ST6GALNAC3: variants seen among roughly 807,000 people sequenced by gnomAD.
ST6GALNAC3 encodes the protein alpha-N-acetylgalactosaminide alpha-2,6-sialyltransferase 3.
In ST6GALNAC3, 25 loss-of-function variants were observed where a neutral mutation model predicts 32.7. The observed-to-expected ratio is 0.76, with a 90% CI of 0.56 to 1.07. The LOEUF (loss-of-function observed/expected upper bound fraction) is 1.07, where lower values mean the gene tolerates loss of function less well. Among genes scored for constraint, ST6GALNAC3 ranks in the 50% least tolerant of loss-of-function variants. The pLI is 0.00. For synonymous variants in ST6GALNAC3, 129 were observed against 133.1 expected (o/e 0.97, Z 0.21); for missense variants, 355 against 382.4 (o/e 0.93, Z 0.60).
intron 1 of ST6GALNAC3, among the ~76,000 whole-genome samples, chr1:76,221,029 C>G (rs1655737357): frequency 6.6e-6 from 1 of 151,364 alleles, no homozygotes; most frequent in African/African-American, 2.4e-5. Context: ...GGCTTTGGAG[C>G]AATCAATGCA....
At position 76,427,534 on chromosome 1, in the gene ST6GALNAC3, G is replaced by A. The variant is rs116250164; in HGVS notation, c.623+15117G>A. On this transcript the variant is annotated intron_variant, in intron 3 of 4. Coordinates refer to ENST00000328299, the MANE Select transcript of ST6GALNAC3 (RefSeq NM_152996.4). ...CCATGGAAAAATAAAAAAATTAATCGTATCTCCAAACTATATGAGTACATA... is the reference window on the plus strand; with the variant it reads ...CCATGGAAAAATAAAAAAATTAATCATATCTCCAAACTATATGAGTACATA... Among the ~76,000 whole-genome samples the A allele has an allele frequency of 4.0e-3, 602 of 152,082 alleles. 4 individuals are homozygous for A. The highest frequency in any genetic ancestry group is 0.013 in the African/African-American group (556 of 41,506).
intron 3 of ST6GALNAC3, among the ~76,000 whole-genome samples, chr1:76,621,118 A>G (rs574617038): frequency 2.0e-5 from 3 of 151,628 alleles, no homozygotes; most frequent in Non-Finnish European, 2.9e-5. Flanking sequence ...GTTTCTTATT[A>G]TTCTCCTTTT....
At chr1:76,241,233 G>T (rs1323339913) in intron 1 of ST6GALNAC3, among the ~76,000 whole-genome samples, 2 of 152,124 alleles carry the variant, frequency 1.3e-5, no homozygotes, top group African/African-American at 4.8e-5. Flanking sequence ...TTGCTATAAA[G>T]GAATATATAA....
chr1:76,577,873 A>G (rs1421596568), intron 3 of ST6GALNAC3, among the ~76,000 whole-genome samples: 2 of 152,200 alleles, frequency 1.3e-5, no homozygotes, highest in Admixed American at 1.3e-4. Context: ...TAAAATTTCA[A>G]TATGTTTAGT....
chr1:76,266,534 G>T (rs1222536353), intron 1 of ST6GALNAC3, among the ~76,000 whole-genome samples: 5 of 152,092 alleles, frequency 3.3e-5, no homozygotes, highest in Non-Finnish European at 7.4e-5. Context: ...CAGCAGATGT[G>T]GTTTTCTACC....
intron 1 of ST6GALNAC3, among the ~76,000 whole-genome samples, chr1:76,075,700 C>G (rs1646806484): frequency 7.0e-6 from 1 of 142,820 alleles, no homozygotes; most frequent in Non-Finnish European, 1.5e-5. Flanking sequence ...GTAGAGGCCT[C>G]CCCTGCCCTC....
chr1:76,581,575 T>C (rs948465427), intron 3 of ST6GALNAC3, among the ~76,000 whole-genome samples: 1 of 152,162 alleles, frequency 6.6e-6, no homozygotes, highest in Non-Finnish European at 1.5e-5. Context: ...CACAGACATT[T>C]TTACTGTACT....
Position 76,281,753 on chromosome 1 carries a change from G to A in ST6GALNAC3, c.19-32052G>A, listed in dbSNP as rs564358562. On this transcript the variant is annotated intron_variant, in intron 1 of 4. Coordinates refer to ENST00000328299, the MANE Select transcript of ST6GALNAC3 (RefSeq NM_152996.4). ...GGTCTCAAAGTTCACTTTGCTACTC[G>A]ATTATGCTGCCTATTGAGGAATTTT... 3.3e-5 allele frequency among the ~76,000 whole-genome samples: 5 copies of A among 152,136 alleles called. No individual in the cohort carries two copies. The East Asian group carries it at 7.7e-4, about 23-fold the overall frequency.
intron 1 of ST6GALNAC3, among the ~76,000 whole-genome samples, chr1:76,184,118 C>T (rs1205215775): frequency 6.6e-6 from 1 of 151,954 alleles, no homozygotes; most frequent in Non-Finnish European, 1.5e-5. Context: ...CATTTCTAAT[C>T]ATTAACTGTG....
At position 76,633,547 on chromosome 1, in the gene ST6GALNAC3, T is replaced by C. The variant is rs181159344; in HGVS notation, c.*4741T>C. The C allele has an allele frequency of 2.6e-3, 392 of 152,318 alleles. 4 individuals carry two copies. Among genetic ancestry groups the C allele is most frequent in the African/African-American group, 8.9e-3 (369 of 41,584 alleles). The allele number at this position is 152,318 out of a possible 1,614,324, so 9.4% of individuals were successfully genotyped here. Reference sequence around the variant, plus strand: ...AGCAAGCCATTGATACACCAAGAGCTGCTGAGTGTTGGAGGTTGCCTGGTG... The same window carrying C: ...AGCAAGCCATTGATACACCAAGAGCCGCTGAGTGTTGGAGGTTGCCTGGTG... On this transcript the variant is annotated 3_prime_UTR_variant, in exon 5 of 5. Transcript: ENST00000328299.
chr1:76,620,426 A>G (rs1648563692), intron 3 of ST6GALNAC3, among the ~76,000 whole-genome samples: 1 of 152,062 alleles, frequency 6.6e-6, no homozygotes, highest in Non-Finnish European at 1.5e-5. Context: ...TGGCCATCGT[A>G]TGTCAAAATA....
At chr1:76,542,730 G>T (rs1442086136) in intron 3 of ST6GALNAC3, among the ~76,000 whole-genome samples, 1 of 152,116 alleles carries the variant, frequency 6.6e-6, no homozygotes. Flanking sequence ...CTAATAGATA[G>T]GTACATTATA....
intron 2 of ST6GALNAC3, among the ~76,000 whole-genome samples, chr1:76,337,517 G>A (rs912865811): frequency 6.6e-6 from 1 of 152,026 alleles, no homozygotes; most frequent in Non-Finnish European, 1.5e-5. Flanking sequence ...TTGGAAGGAG[G>A]ACTTTTTCTT....
chr1:76,119,661 G>T (rs746233695), intron 1 of ST6GALNAC3, among the ~76,000 whole-genome samples: 1 of 152,224 alleles, frequency 6.6e-6, no homozygotes, highest in Non-Finnish European at 1.5e-5. Context: ...ATTTTAGGCT[G>T]TTTATTTTAA....
At chr1:76,095,896 G>A (rs140043545) in intron 1 of ST6GALNAC3, among the ~76,000 whole-genome samples, 4 of 152,104 alleles carry the variant, frequency 2.6e-5, no homozygotes, top group African/African-American at 9.7e-5. Context: ...CTTTGCCACC[G>A]GGCCCTCGGA....
At chr1:76,460,542 G>A (rs988122681) in intron 3 of ST6GALNAC3, among the ~76,000 whole-genome samples, 1 of 152,114 alleles carries the variant, frequency 6.6e-6, no homozygotes. Flanking sequence ...CCCTTTGATT[G>A]TGGATAATAG....
chr1:76,083,332 T>A (rs1236560863), intron 1 of ST6GALNAC3, among the ~76,000 whole-genome samples: 1 of 152,274 alleles, frequency 6.6e-6, no homozygotes, highest in Non-Finnish European at 1.5e-5. Flanking sequence ...TGATTCCTGG[T>A]GCTGTTTGCT....
intron 1 of ST6GALNAC3, among the ~76,000 whole-genome samples, chr1:76,279,168 C>T (rs1333118829): frequency 6.6e-6 from 1 of 152,198 alleles, no homozygotes; most frequent in Non-Finnish European, 1.5e-5. Flanking sequence ...TGCATTTGGA[C>T]ACACACAGCC....
chr1:76,493,031 C>CT (rs141388563), intron 3 of ST6GALNAC3, among the ~76,000 whole-genome samples: 3,604 of 145,094 alleles, frequency 0.025, 118 homozygotes, highest in African/African-American at 0.08. Context: ...TTGACACCTT[C>CT]TTTTTTTTTT....
Sources: gnomAD v4.1 joint callset for allele counts (sites outside exome capture counted in the v4.1 genomes callset) on GRCh38, gnomAD v4.1.1 for gene constraint, MANE v1.5 for transcripts, NCBI Gene and HGNC (gene_info 2026-07-23, HGNC 2026-07-21) for gene names.